Variants in LRRC9 observed in about 807,000 individuals in gnomAD.
The protein encoded by LRRC9 is leucine-rich repeat-containing protein 9.
LRRC9 carries 122 observed loss-of-function variants against 63.2 expected under a neutral mutation model. The ratio of observed to expected loss-of-function variants is 1.93; its 90% confidence interval spans 1.67 to 2.24. LRRC9 has a LOEUF of 2.24. Among genes scored for constraint, LRRC9 ranks in the 30% most tolerant of loss-of-function variants. LRRC9 has a pLI of 0.00. For missense variants in LRRC9, 1,071 were observed against 627.7 expected, an observed-to-expected ratio of 1.71 and a Z score of -7.55; for synonymous variants, 366 against 213.1, an observed-to-expected ratio of 1.72 and a Z score of -6.25.
chr14:60,044,801 G>C (rs1893267839), intron 29 of LRRC9, among the ~76,000 whole-genome samples: 1 of 152,162 alleles, frequency 6.6e-6, no homozygotes, highest in Non-Finnish European at 1.5e-5. Flanking sequence ...AGTTAGGCCT[G>C]TTAGATCTAG....
rs1297601146 is a variant in LRRC9, at chr14:59,930,142, A to G, written c.268-776A>G. On this transcript the variant is annotated intron_variant, in intron 3 of 31. Transcript: ENST00000445360. The surrounding 1 kb of genome is among the most constrained non-coding windows in gnomAD (Gnocchi z 4.9). ...AAATAAGGGATTAAAACATAAACAT[A>G]TTCTACTTTTTAGTAATCAAATCAT... Among the ~76,000 whole-genome samples the G allele has an allele frequency of 6.6e-6, 1 of 152,098 alleles. No homozygotes were observed. Among genetic ancestry groups the G allele is most frequent in the Non-Finnish European group, 1.5e-5 (1 of 67,974 alleles).
At position 59,936,744 on chromosome 14, in the gene LRRC9, C is replaced by T. The variant is rs1890170375; in HGVS notation, c.544-1646C>T. Among the ~76,000 whole-genome samples, 1 of 152,190 alleles carries T rather than the reference C, an allele frequency of 6.6e-6. No homozygotes were observed. The highest frequency in any genetic ancestry group is 2.4e-5 in the African/African-American group (1 of 41,454). On this transcript the variant is annotated intron_variant, in intron 6 of 31. Coordinates refer to ENST00000445360, the Ensembl canonical transcript of LRRC9. The surrounding 1 kb of genome is among the most constrained non-coding windows in gnomAD (Gnocchi z 4.2). ...AGTCCTCCTCCCTGCATAGGCTCAG[C>T]CCAAGCCTCAGGTCAGACCAGTGAG...
intron 29 of LRRC9, among the ~76,000 whole-genome samples, chr14:60,039,667 A>G (rs1383945082): frequency 6.6e-6 from 1 of 152,018 alleles, no homozygotes; most frequent in Non-Finnish European, 1.5e-5. Context: ...CTTCTTTATT[A>G]GTCTTGCTAG....
intron 18 of LRRC9, 65 bp from the exon 19 acceptor site, chr14:59,999,034 AAC>A: frequency 1.8e-6 from 1 of 561,848 alleles, no homozygotes; most frequent in South Asian, 2.5e-5. Context: ...AAGACATGAA[AAC>A]AGTCATTTTC....
At position 59,952,815 on chromosome 14, in the gene LRRC9, C is replaced by T. The variant is rs371443783; in HGVS notation, c.883-7003C>T. Among the ~76,000 whole-genome samples, 17 of 152,262 alleles carry T rather than the reference C, an allele frequency of 1.1e-4. No individual in the cohort carries two copies. The East Asian group carries it at 2.9e-3, about 26-fold the overall frequency. On this transcript the variant is annotated intron_variant, in intron 8 of 31. Coordinates refer to ENST00000445360, the Ensembl canonical transcript of LRRC9. ...TAATGCTCTCCCTCCCCTTGCCCCC[C>T]ACCTCGCAACAGGACCTGGTGTGTG...
At chr14:59,920,616 T>C (rs778202807) in intron 1 of LRRC9, among the ~76,000 whole-genome samples, 1 of 152,076 alleles carries the variant, frequency 6.6e-6, no homozygotes, top group Admixed American at 6.5e-5. Flanking sequence ...GGGGGTTTAT[T>C]TGGACCATCA....
At chr14:59,939,905 G>A (rs931908660) in intron 7 of LRRC9, among the ~76,000 whole-genome samples, 5 of 151,932 alleles carry the variant, frequency 3.3e-5, no homozygotes, top group African/African-American at 4.8e-5. Flanking sequence ...TAGATTGGGG[G>A]TATAAATTAA....
Position 59,933,805 on chromosome 14 carries a change from A to G in LRRC9, c.543+1766A>G, listed in dbSNP as rs183173767. On this transcript the variant is annotated intron_variant, in intron 6 of 31. Transcript: ENST00000445360. ...GGCATTCTAAGACGGGGAAAACAAT[A>G]TGTACAAAGGCAGGGAAGTGAGAAA... is the stretch of plus-strand genomic sequence containing the variant. Among the ~76,000 whole-genome samples the G allele has an allele frequency of 4.7e-4, 71 of 152,292 alleles. 1 individual carries two copies. In the Middle Eastern group the frequency reaches 0.02, roughly 44 times the overall value.
intron 8 of LRRC9, among the ~76,000 whole-genome samples, chr14:59,955,137 T>A (rs1293340775): frequency 6.6e-6 from 1 of 152,202 alleles, no homozygotes; most frequent in Non-Finnish European, 1.5e-5. Flanking sequence ...GGTTTTGGTA[T>A]CAGGATGATG....
intron 30 of LRRC9, chr14:60,057,675 C>T: frequency 3.5e-6 from 1 of 282,224 alleles, no homozygotes; most frequent in Non-Finnish European, 6.4e-6. Flanking sequence ...AAAAAGAACA[C>T]AAGGTTCTGA....
intron 15 of LRRC9, among the ~76,000 whole-genome samples, chr14:59,981,138 T>C (rs1886885301): frequency 6.6e-6 from 1 of 152,182 alleles, no homozygotes; most frequent in South Asian, 2.1e-4. Flanking sequence ...TTGAAATATT[T>C]TCTCAATCTT....
chr14:59,966,621 GT>G lies in LRRC9; in HGVS notation c.1249del (p.Cys417ValfsTer13). 2.9e-6 allele frequency: 2 copies of G among 686,776 alleles called. No homozygotes were observed. Among genetic ancestry groups the G allele is most frequent in the South Asian group, 3.1e-5 (2 of 64,908 alleles). 42.5% of individuals were successfully genotyped at this position (686,776 alleles called of 1,614,324 possible). A position where few individuals can be genotyped will look rare whatever the true frequency, so the allele number is the denominator to read the frequency against. On this transcript the variant is annotated frameshift_variant, in exon 11 of 32. Coordinates refer to ENST00000445360, the Ensembl canonical transcript of LRRC9. LOFTEE classifies it high-confidence loss of function. This position sits in a 1 kb window ranked among gnomAD's most constrained non-coding sequence, Gnocchi z 4.0. ...TTCTGCTATGAATTAATTCTGTCAC[GT>G]TTTTGTGCCTGGGACTTCAGAACAT...
intron 3 of LRRC9, 110 bp downstream of exon 3, chr14:59,928,596 T>A: frequency 2.4e-6 from 1 of 420,326 alleles, no homozygotes; most frequent in African/African-American, 2.0e-5. Flanking sequence ...GACAGATAAA[T>A]GAACAAAGGC....
chr14:59,972,575 A>C (rs1885645329), intron 12 of LRRC9, among the ~76,000 whole-genome samples: 1 of 151,490 alleles, frequency 6.6e-6, no homozygotes. Flanking sequence ...CCACCACCCC[A>C]AACTTCTGCA....
rs1370634918 is a variant in LRRC9, at chr14:59,920,281, T to A, written c.-34+398T>A. The A allele has an allele frequency of 1.3e-5, 2 of 152,216 alleles. No homozygotes were observed. The highest frequency in any genetic ancestry group is 2.9e-5 in the Non-Finnish European group (2 of 68,078). 9.4% of individuals were successfully genotyped at this position (152,216 alleles called of 1,614,324 possible). A position where few individuals can be genotyped will look rare whatever the true frequency, so the allele number is the denominator to read the frequency against. On this transcript the variant is annotated intron_variant, in intron 1 of 31. Transcript: ENST00000445360. ...CCCTCTCTCTGTGATAAGGTCAGAA[T>A]CCGTCACCTGGTGGCCTTCGGGCGT...
intron 29 of LRRC9, among the ~76,000 whole-genome samples, chr14:60,043,137 T>C (rs1436300168): frequency 1.3e-5 from 2 of 152,232 alleles, no homozygotes; most frequent in African/African-American, 4.8e-5. Context: ...TTTTTGTATG[T>C]TGACTTTGTA....
At chr14:60,046,077 A>T (rs1017433842) in intron 29 of LRRC9, among the ~76,000 whole-genome samples, 1 of 151,958 alleles carries the variant, frequency 6.6e-6, no homozygotes, top group Non-Finnish European at 1.5e-5. Context: ...TGCTTTTGAG[A>T]AGTATCTGTT....
intron 29 of LRRC9, among the ~76,000 whole-genome samples, chr14:60,045,894 G>A (rs1893380485): frequency 6.6e-6 from 1 of 152,142 alleles, no homozygotes; most frequent in African/African-American, 2.4e-5. Flanking sequence ...CCCACCAAGA[G>A]TGTAAAAGCT....
chr14:60,016,270 A>T (rs779749680), intron 23 of LRRC9, among the ~76,000 whole-genome samples: 3 of 152,128 alleles, frequency 2.0e-5, no homozygotes, highest in Non-Finnish European at 4.4e-5. Flanking sequence ...CAGTGGCATG[A>T]TCATAGCTCA....
Sources: allele counts gnomAD v4.1 joint callset (sites outside exome capture counted in the v4.1 genomes callset), GRCh38; gene constraint gnomAD v4.1.1; non-coding constraint Gnocchi (gnomAD v3.1); transcripts MANE v1.5; gene names NCBI Gene and HGNC (gene_info 2026-07-23, HGNC 2026-07-21).